The following TLE4 variants were observed in gnomAD, a reference collection of about 807,000 sequenced individuals.
The protein encoded by TLE4 is transducin-like enhancer protein 4.
In TLE4, 8 loss-of-function variants were observed where a neutral mutation model predicts 92.8. The observed-to-expected ratio is 0.09, with a 90% CI of 0.05 to 0.16. The LOEUF (loss-of-function observed/expected upper bound fraction) is 0.16. Among genes scored for constraint, TLE4 ranks in the 10% least tolerant of loss-of-function variants. TLE4 has a pLI of 1.00. For synonymous variants in TLE4, 371 were observed against 374.1 expected (o/e 0.99, Z 0.10); for missense variants, 675 against 997.6 (o/e 0.68, Z 4.36).
At chr9:79,679,325 GATGGTATCTC>G (rs1329851924) in intron 8 of TLE4, among the ~76,000 whole-genome samples, 84 of 152,292 alleles carry the variant, frequency 5.5e-4, no homozygotes, top group Admixed American at 3.3e-3. Flanking sequence ...ACTGGTGTGA[GATGGTATCTC>G]ATTGTGGTTT....
intron 9 of TLE4, among the ~76,000 whole-genome samples, chr9:79,705,654 C>T (rs1375443730): frequency 1.3e-5 from 2 of 152,186 alleles, no homozygotes; most frequent in African/African-American, 2.4e-5. Context: ...AAAATGTAAT[C>T]AGGTCACCCT....
chr9:79,592,115 TTC>T (rs2042678014), intron 4 of TLE4, among the ~76,000 whole-genome samples: 1 of 151,602 alleles, frequency 6.6e-6, no homozygotes, highest in South Asian at 2.1e-4. Flanking sequence ...TTCTTCTTTC[TTC>T]TTTCTTCTTT....
intron 8 of TLE4, among the ~76,000 whole-genome samples, chr9:79,681,832 ATGTGTG>A (rs35005870): frequency 0.032 from 4,564 of 141,638 alleles, 106 homozygotes; most frequent in East Asian, 0.086. Flanking sequence ...GAGTGTGTGC[ATGTGTG>A]TGTGTGTGTG....
intron 6 of TLE4, among the ~76,000 whole-genome samples, chr9:79,635,033 A>G (rs1418057966): frequency 6.6e-6 from 1 of 152,174 alleles, no homozygotes; most frequent in Admixed American, 6.6e-5. Flanking sequence ...AAACTTTCCA[A>G]GTAATTGACA....
chr9:79,612,752 G>A (rs373613321), intron 5 of TLE4, 34 bp downstream of exon 5: 8 of 1,599,752 alleles, frequency 5.0e-6, no homozygotes, highest in African/African-American at 1.3e-5. Flanking sequence ...TGGACTAGAA[G>A]TTGCCATTTT....
chr9:79,713,215 A>G (rs1168342691), intron 14 of TLE4, among the ~76,000 whole-genome samples: 1 of 152,192 alleles, frequency 6.6e-6, no homozygotes, highest in Non-Finnish European at 1.5e-5. Context: ...CTCAGAGAGG[A>G]GAATGAGGGG....
intron 5 of TLE4, among the ~76,000 whole-genome samples, chr9:79,614,689 C>T (rs957383669): frequency 6.6e-6 from 1 of 152,152 alleles, no homozygotes; most frequent in Admixed American, 6.5e-5. Context: ...ATGATTTATG[C>T]CAAGCTTGTG....
intron 8 of TLE4, among the ~76,000 whole-genome samples, chr9:79,654,335 C>T (rs1217023368): frequency 4.0e-5 from 6 of 148,410 alleles, no homozygotes; most frequent in Non-Finnish European, 7.4e-5. Flanking sequence ...TTATTATTTG[C>T]CATGTGAAAA....
chr9:79,618,303 T>G (rs1446702164), intron 5 of TLE4, among the ~76,000 whole-genome samples: 1 of 152,262 alleles, frequency 6.6e-6, no homozygotes, highest in African/African-American at 2.4e-5. Context: ...ATCTCATGTT[T>G]TTCAGTTACA....
chr9:79,668,164 A>G (rs1009118126), intron 8 of TLE4, among the ~76,000 whole-genome samples: 5 of 152,182 alleles, frequency 3.3e-5, no homozygotes. Context: ...TTTTGTTGAC[A>G]TTGTTGTTAA....
rs1295751448 is a variant in TLE4, at chr9:79,725,983, A to G, written c.*839A>G. ...TATTTTTGCCACATTTCTTTGCAAA[A>G]GGAGATATATATATCTTTAGTCAGT... On this transcript the variant is annotated 3_prime_UTR_variant, in exon 20 of 20. Transcript: ENST00000376552. The G allele has an allele frequency of 1.3e-5, 2 of 152,630 alleles. No homozygotes were observed. The highest frequency in any genetic ancestry group is 2.9e-5 in the Non-Finnish European group (2 of 68,040). The allele number at this position is 152,630 out of a possible 1,614,324, so 9.5% of individuals were successfully genotyped here. A position where few individuals can be genotyped will look rare whatever the true frequency, so the allele number is the denominator to read the frequency against.
intron 14 of TLE4, among the ~76,000 whole-genome samples, chr9:79,717,238 C>T (rs949300937): frequency 6.6e-6 from 1 of 152,176 alleles, no homozygotes; most frequent in Non-Finnish European, 1.5e-5. Context: ...TTCACCTCCC[C>T]ATAGGTGTAC....
At chr9:79,704,679 T>A in intron 8 of TLE4, 104 bp from the exon 9 acceptor site, 1 of 1,450,198 alleles carries the variant, frequency 6.9e-7, no homozygotes, top group East Asian at 2.3e-5. Context: ...TTTGCAAGTA[T>A]ATGCTAAAGA....
intron 6 of TLE4, among the ~76,000 whole-genome samples, chr9:79,652,240 G>T (rs2059136303): frequency 6.6e-6 from 1 of 151,774 alleles, no homozygotes; most frequent in African/African-American, 2.4e-5. Flanking sequence ...AGGCTGGAGT[G>T]CAGTGGCACG....
chr9:79,593,225 A>T (rs1430264540), intron 4 of TLE4, among the ~76,000 whole-genome samples: 1 of 152,084 alleles, frequency 6.6e-6, no homozygotes, highest in Non-Finnish European at 1.5e-5. Flanking sequence ...GAAAACCGAA[A>T]TGTGGTTTTG....
In TLE4 at chr9:79,706,762, C is replaced by G; in HGVS notation, c.799C>G (p.Arg267Gly). 6.2e-7 allele frequency: 1 copy of G among 1,613,556 alleles called. No individual in the cohort carries two copies. The highest frequency in any genetic ancestry group is 8.5e-7 in the Non-Finnish European group (1 of 1,179,774). ...DVSNEDPSSP[R>G]GSPAHSPREN... Reference sequence around the variant, plus strand: ...TCCTTTGTAGGATCCATCTTCCCCTCGAGGGAGCCCAGCACATTCCCCCAG... The same window carrying G: ...TCCTTTGTAGGATCCATCTTCCCCTGGAGGGAGCCCAGCACATTCCCCCAG... Residue 267 changes from arginine to glycine, a missense_variant, in exon 11 of 20, where the codon CGA (arginine) becomes GGA (glycine). Coordinates refer to ENST00000376552, the MANE Select transcript of TLE4 (RefSeq NM_007005.6).
intron 6 of TLE4, among the ~76,000 whole-genome samples, chr9:79,639,003 C>A (rs2056588002): frequency 6.6e-6 from 1 of 152,084 alleles, no homozygotes. Flanking sequence ...GTGACCCTAT[C>A]CAGGTCAGCG....
chr9:79,644,849 C>T (rs1286013451), intron 6 of TLE4, among the ~76,000 whole-genome samples: 8 of 152,144 alleles, frequency 5.3e-5, no homozygotes, highest in African/African-American at 7.2e-5. Flanking sequence ...TTGAGGCACA[C>T]GTGCTCAGAG....
intron 8 of TLE4, among the ~76,000 whole-genome samples, chr9:79,694,420 A>G (rs2067757154): frequency 6.6e-6 from 1 of 152,152 alleles, no homozygotes; most frequent in Non-Finnish European, 1.5e-5. Flanking sequence ...TGCTTGGTGA[A>G]TCAACCTGTT....
Sources: gnomAD v4.1 joint callset for allele counts (sites outside exome capture counted in the v4.1 genomes callset) on GRCh38, gnomAD v4.1.1 for gene constraint, MANE v1.5 for transcripts, NCBI Gene and HGNC (gene_info 2026-07-23, HGNC 2026-07-21) for gene names.